LARGE1: variants seen among roughly 807,000 people sequenced by gnomAD.
LARGE1 encodes LARGE xylosyl- and glucuronyltransferase 1.
LARGE1 carries 43 observed loss-of-function variants against 87.6 expected under a neutral mutation model. The ratio of observed to expected loss-of-function variants is 0.49; its 90% CI spans 0.38 to 0.63. The LOEUF is 0.63. Ranked by LOEUF, LARGE1 falls within the 30% of genes least tolerant of loss-of-function variation. LARGE1 has a pLI of 0.00. For missense variants in LARGE1, 802 were observed against 1,000.2 expected, an observed-to-expected ratio of 0.80 and a Z score of 2.67; for synonymous variants, 434 against 394.6, an observed-to-expected ratio of 1.10 and a Z score of -1.18.
intron 6 of LARGE1, among the ~76,000 whole-genome samples, chr22:33,466,057 C>T (rs922808804): frequency 3.9e-5 from 6 of 152,090 alleles, no homozygotes; most frequent in Non-Finnish European, 7.3e-5. Flanking sequence ...AATATGTCCC[C>T]GCTCATTTCC....
chr22:33,547,199 C>T (rs1029094232), intron 6 of LARGE1, among the ~76,000 whole-genome samples: 4 of 150,508 alleles, frequency 2.7e-5, no homozygotes, highest in South Asian at 2.1e-4. Context: ...ACCAGTTTCA[C>T]GGAAGACAAT....
chr22:33,388,325 T>C (rs978936582), intron 7 of LARGE1, among the ~76,000 whole-genome samples: 1 of 152,252 alleles, frequency 6.6e-6, no homozygotes, highest in Non-Finnish European at 1.5e-5. Context: ...CTTCCAAAGT[T>C]GGACCGGGAT....
intron 1 of LARGE1, among the ~76,000 whole-genome samples, chr22:33,775,678 C>A (rs1032839679): frequency 6.6e-6 from 1 of 151,952 alleles, no homozygotes; most frequent in Non-Finnish European, 1.5e-5. Flanking sequence ...ATGGTGAAAC[C>A]CCATCTCTAC....
chr22:33,285,635 A>G (rs1030088126), intron 12 of LARGE1, among the ~76,000 whole-genome samples: 1 of 151,848 alleles, frequency 6.6e-6, no homozygotes, highest in African/African-American at 2.4e-5. Flanking sequence ...AAACAAACAA[A>G]CAAACAAACA....
At chr22:33,626,412 T>G in intron 3 of LARGE1, 86 bp from the exon 4 acceptor site, 1 of 1,025,630 alleles carries the variant, frequency 9.8e-7, no homozygotes, top group Non-Finnish European at 1.5e-6. Context: ...AAAGAAAAAT[T>G]GCCCTGATTT....
intron 2 of LARGE1, among the ~76,000 whole-genome samples, chr22:33,672,197 T>G (rs1016189425): frequency 7.9e-5 from 12 of 152,096 alleles, no homozygotes; most frequent in Admixed American, 5.2e-4. Context: ...AGGAGACAGG[T>G]ACCCACGTGT....
chr22:33,543,548 T>C (rs1332087108), intron 6 of LARGE1, among the ~76,000 whole-genome samples: 7 of 152,156 alleles, frequency 4.6e-5, no homozygotes, highest in Non-Finnish European at 1.0e-4. Flanking sequence ...GAAACAATGA[T>C]GGTAGTAAGT....
intron 2 of LARGE1, among the ~76,000 whole-genome samples, chr22:33,746,713 G>C (rs1488889054): frequency 6.6e-6 from 1 of 152,192 alleles, no homozygotes; most frequent in Non-Finnish European, 1.5e-5. Context: ...CACTTGGTGT[G>C]AAAACTAAGA....
At chr22:33,822,765 C>T (rs1313613337) in intron 1 of LARGE1, among the ~76,000 whole-genome samples, 1 of 152,150 alleles carries the variant, frequency 6.6e-6, no homozygotes, top group African/African-American at 2.4e-5. Flanking sequence ...AAGGGGAAGT[C>T]GTTAAGGCTA....
At chr22:33,722,201 C>G (rs769125544) in intron 2 of LARGE1, among the ~76,000 whole-genome samples, 2 of 149,864 alleles carry the variant, frequency 1.3e-5, no homozygotes, top group African/African-American at 2.4e-5. Flanking sequence ...TGCAATGAGC[C>G]GAGATCACGC....
intron 1 of LARGE1, among the ~76,000 whole-genome samples, chr22:33,873,754 A>G (rs1225504927): frequency 6.7e-6 from 1 of 150,162 alleles, no homozygotes; most frequent in Non-Finnish European, 1.5e-5. Context: ...GCTACCTCAC[A>G]TCCTTCCTCC....
At chr22:33,160,275 T>C (rs1298871328), downstream of LARGE1, among the ~76,000 whole-genome samples, 2 of 152,186 alleles carry the variant, frequency 1.3e-5, no homozygotes, top group Non-Finnish European at 2.9e-5. Context: ...TGTGTGTATG[T>C]GTATGTTGAG....
At chr22:33,215,187 G>A (rs1397772550) in intron 11 of LARGE1, among the ~76,000 whole-genome samples, 1 of 152,032 alleles carries the variant, frequency 6.6e-6, no homozygotes, top group South Asian at 2.1e-4. Context: ...TATATCCCTT[G>A]TAAGCTGTAT....
intron 5 of LARGE1, 84 bp from the exon 6 acceptor site, chr22:33,565,103 T>C: frequency 8.3e-7 from 1 of 1,204,618 alleles, no homozygotes; most frequent in Non-Finnish European, 1.2e-6. Flanking sequence ...TTATAAATAG[T>C]GCCTAGCACA....
intron 4 of LARGE1, among the ~76,000 whole-genome samples, chr22:33,614,215 A>C (rs376392222): frequency 1.3e-5 from 2 of 152,322 alleles, no homozygotes; most frequent in African/African-American, 4.8e-5. Context: ...AGTTATTGTC[A>C]GATCGATTGA....
chr22:33,297,197 G>A (rs1215985950), intron 12 of LARGE1, among the ~76,000 whole-genome samples: 1 of 152,188 alleles, frequency 6.6e-6, no homozygotes, highest in Non-Finnish European at 1.5e-5. Flanking sequence ...TGATGTGCCA[G>A]GGAAAATGTA....
chr22:33,762,241 A>AAAAAAG (rs1491136215), intron 1 of LARGE1, among the ~76,000 whole-genome samples: 1 of 133,270 alleles, frequency 7.5e-6, no homozygotes, highest in African/African-American at 2.8e-5. Context: ...AAAAAAAAAA[A>AAAAAAG]GACTAGACCA....
At chr22:33,738,419 C>A (rs1646587934) in intron 2 of LARGE1, among the ~76,000 whole-genome samples, 1 of 152,116 alleles carries the variant, frequency 6.6e-6, no homozygotes, top group Admixed American at 6.5e-5. Context: ...TTTGGAAAGC[C>A]AGCAGGGCAC....
chr22:33,632,000 T>C (rs2080125612), intron 3 of LARGE1, among the ~76,000 whole-genome samples: 1 of 152,228 alleles, frequency 6.6e-6, no homozygotes, highest in Admixed American at 6.5e-5. Flanking sequence ...CATGACTGTA[T>C]AGACATAACA....
Sources: allele counts gnomAD v4.1 joint callset (sites outside exome capture counted in the v4.1 genomes callset), GRCh38; gene constraint gnomAD v4.1.1; transcripts MANE v1.5; gene names NCBI Gene and HGNC (gene_info 2026-07-23, HGNC 2026-07-21).